The following KLHL7 variants were observed in gnomAD, a reference collection of about 807,000 sequenced individuals.
The protein encoded by KLHL7 is kelch-like protein 7.
KLHL7 carries 44 observed loss-of-function variants against 67.4 expected under a neutral mutation model. The observed-to-expected ratio is 0.65, with a 90% CI of 0.51 to 0.84. The LOEUF is 0.84. Ranked by LOEUF, KLHL7 falls within the 40% of genes least tolerant of loss-of-function variation. The pLI is 0.00. For synonymous variants in KLHL7, 252 were observed against 243.3 expected (o/e 1.04, Z -0.33); for missense variants, 362 against 718.1 (o/e 0.50, Z 5.67).
intron 9 of KLHL7, among the ~76,000 whole-genome samples, chr7:23,168,344 G>A (rs1785062320): frequency 6.6e-6 from 1 of 152,154 alleles, no homozygotes; most frequent in Non-Finnish European, 1.5e-5. Context: ...TGAGCGGTCA[G>A]GAAATGTAGA....
chr7:23,141,661 T>C (rs555148554), intron 5 of KLHL7, among the ~76,000 whole-genome samples: 55 of 151,988 alleles, frequency 3.6e-4, no homozygotes, highest in Admixed American at 7.8e-4. Context: ...CTCGCTCTGT[T>C]GCCCAGGCTG....
rs1029361848 is a variant in KLHL7, at chr7:23,175,750, C to T, written c.*1452C>T. ...CCAAGGTGGGTAGATCATTTGAGGT[C>T]AGCAGTTCAAGACCACCCTGGCCAA... On this transcript the variant is annotated 3_prime_UTR_variant, in exon 11 of 11. Coordinates refer to ENST00000339077, the MANE Select transcript of KLHL7 (RefSeq NM_001031710.3). 4 of 185,680 alleles carry T rather than the reference C, an allele frequency of 2.2e-5. No homozygotes were observed. The highest frequency in any genetic ancestry group is 4.5e-5 in the Non-Finnish European group (4 of 89,360). 11.5% of individuals were successfully genotyped at this position (185,680 alleles called of 1,614,324 possible). A position where few individuals can be genotyped will look rare whatever the true frequency, so the allele number is the denominator to read the frequency against.
intron 1 of KLHL7, among the ~76,000 whole-genome samples, chr7:23,109,822 C>A (rs949588798): frequency 9.9e-5 from 15 of 152,214 alleles, no homozygotes; most frequent in Admixed American, 3.9e-4. Context: ...ATTCTCTTAA[C>A]TTTCATTGAC....
chr7:23,143,790 A>G, intron 5 of KLHL7, 61 bp from the exon 6 acceptor site: 1 of 1,497,234 alleles, frequency 6.7e-7, no homozygotes, highest in Non-Finnish European at 9.3e-7. Flanking sequence ...GAGAGTAAAC[A>G]TAGGTAATTG....
At chr7:23,143,586 CT>C (rs57285829) in intron 5 of KLHL7, among the ~76,000 whole-genome samples, 1 of 151,386 alleles carries the variant, frequency 6.6e-6, no homozygotes, top group Non-Finnish European at 1.5e-5. Context: ...AGGAAGCTAT[CT>C]TTTTTTTAAT....
At position 23,174,121 on chromosome 7, in the gene KLHL7, T is replaced by C. The variant is rs149557100; in HGVS notation, c.1584T>C (p.Ser528=). 309 of 1,614,108 alleles carry C rather than the reference T, an allele frequency of 1.9e-4. No individual in the cohort carries two copies. The highest frequency in any genetic ancestry group is 4.9e-4 in the Middle Eastern group (3 of 6,084). The change falls in exon 11 of 11, where the codon TCT becomes TCC. Residue 528 remains serine, a synonymous_variant. Transcript: ENST00000339077. Reference sequence around the variant, plus strand: ...CAGTGAAATGTGCAGCAGTTGGCTCTATAGTTTATGTCTTGGCTGGTTTTC... The same window carrying C: ...CAGTGAAATGTGCAGCAGTTGGCTCCATAGTTTATGTCTTGGCTGGTTTTC... The part of the protein sequence containing the change: ...GVTVKCAAVG[S]IVYVLAGFQG...
chr7:23,117,081 CTTTTT>C (rs34692665), intron 1 of KLHL7, among the ~76,000 whole-genome samples: 1 of 68,222 alleles, frequency 1.5e-5, no homozygotes, highest in African/African-American at 5.7e-5. Flanking sequence ...AGAGCCAGGC[CTTTTT>C]TTTTTTTTTT....
chr7:23,116,958 A>G (rs1043759026), intron 1 of KLHL7, among the ~76,000 whole-genome samples: 3 of 152,056 alleles, frequency 2.0e-5, no homozygotes, highest in African/African-American at 4.8e-5. Context: ...CTCCTTTTCA[A>G]ATCTGTCTGA....
intron 7 of KLHL7, among the ~76,000 whole-genome samples, chr7:23,162,219 G>T (rs923267763): frequency 6.6e-6 from 1 of 152,142 alleles, no homozygotes; most frequent in Admixed American, 6.5e-5. Context: ...TTTAGATTAA[G>T]ATCTTGGGTT....
At chr7:23,116,114 C>G (rs768246045) in intron 1 of KLHL7, among the ~76,000 whole-genome samples, 1 of 152,186 alleles carries the variant, frequency 6.6e-6, no homozygotes, top group African/African-American at 2.4e-5. Context: ...TGTGGCCTTG[C>G]ATTCCTTACA....
chr7:23,173,972 T>C, intron 10 of KLHL7, 43 bp from the exon 11 acceptor site: 1 of 1,578,958 alleles, frequency 6.3e-7, no homozygotes, highest in Non-Finnish European at 8.7e-7. Context: ...CTTAGAATTG[T>C]TGATATAGTT....
At chr7:23,110,646 G>A (rs974642550) in intron 1 of KLHL7, among the ~76,000 whole-genome samples, 1 of 150,520 alleles carries the variant, frequency 6.6e-6, no homozygotes, top group Non-Finnish European at 1.5e-5. Context: ...TTAAGTTTTA[G>A]GGTACATGTG....
At chr7:23,117,786 A>AT (rs1562553252) in intron 1 of KLHL7, 2 of 1,521,954 alleles carry the variant, frequency 1.3e-6, no homozygotes, top group East Asian at 4.9e-5. Context: ...ATCCAAGAAA[A>AT]TTATTTACCC....
chr7:23,108,596 A>G (rs539400702), intron 1 of KLHL7, among the ~76,000 whole-genome samples: 36 of 152,276 alleles, frequency 2.4e-4, no homozygotes, highest in African/African-American at 8.7e-4. Flanking sequence ...CTAACTCTGT[A>G]ACCATCGAAG....
intron 7 of KLHL7, among the ~76,000 whole-genome samples, chr7:23,163,739 A>C (rs1387247694): frequency 6.6e-6 from 1 of 152,352 alleles, no homozygotes; most frequent in South Asian, 2.1e-4. Flanking sequence ...CCACATGTGT[A>C]CGTGTGTATA....
At chr7:23,142,620 G>C (rs1784225718) in intron 5 of KLHL7, among the ~76,000 whole-genome samples, 1 of 152,092 alleles carries the variant, frequency 6.6e-6, no homozygotes. Flanking sequence ...ATGCACACTT[G>C]ATGTAATGAA....
chr7:23,152,240 T>G, intron 7 of KLHL7, 31 bp downstream of exon 7: 1 of 1,608,022 alleles, frequency 6.2e-7, no homozygotes, highest in Non-Finnish European at 8.5e-7. Context: ...GTTTTTGTTG[T>G]TGTCTTTGAA....
chr7:23,155,232 TAAGCACAG>T (rs1784664715), intron 7 of KLHL7, among the ~76,000 whole-genome samples: 1 of 152,190 alleles, frequency 6.6e-6, no homozygotes, highest in Non-Finnish European at 1.5e-5. Context: ...TGCTATCCAA[TAAGCACAG>T]TGTCCTCACT....
chr7:23,140,481 T>C (rs1784139126), intron 4 of KLHL7, among the ~76,000 whole-genome samples: 1 of 151,928 alleles, frequency 6.6e-6, no homozygotes, highest in Non-Finnish European at 1.5e-5. Context: ...AGCGTGAAGC[T>C]GGGAGGCGGA....
Sources: allele counts gnomAD v4.1 joint callset (sites outside exome capture counted in the v4.1 genomes callset), GRCh38; gene constraint gnomAD v4.1.1; transcripts MANE v1.5; gene names NCBI Gene and HGNC (gene_info 2026-07-23, HGNC 2026-07-21).